The following DEFB118 variants were observed in gnomAD, a reference collection of about 807,000 sequenced individuals.
DEFB118 encodes the protein defensin beta 118.
Under a neutral mutation model 2.8 loss-of-function variants are expected in DEFB118, and 3 were observed. The observed-to-expected ratio is 1.09, with a 90% CI of 0.50 to 2.82. The LOEUF (loss-of-function observed/expected upper bound fraction) is 2.82. Among genes scored for constraint, DEFB118 ranks in the 30% most tolerant of loss-of-function variants. DEFB118 has a pLI of 0.04. For missense variants in DEFB118, 159 were observed against 144.6 expected (o/e 1.10, Z -0.51); for synonymous variants, 63 against 53.5 (o/e 1.18, Z -0.78).
intron 1 of DEFB118, among the ~76,000 whole-genome samples, chr20:31,370,972 A>G (rs1358767439): frequency 6.6e-6 from 1 of 151,868 alleles, no homozygotes; most frequent in African/African-American, 2.4e-5. Flanking sequence ...GCTAGTTTCA[A>G]ACTCCGGACC....
At chr20:31,368,984 G>A (rs1986165603) in intron 1 of DEFB118, among the ~76,000 whole-genome samples, 1 of 152,166 alleles carries the variant, frequency 6.6e-6, no homozygotes, top group African/African-American at 2.4e-5. Context: ...TTTCCAGATT[G>A]TGCCAGCTTT....
At chr20:31,373,922 AAT>A (rs1461011223) in exon 2 of DEFB118, 6 of 151,746 alleles carry the variant, frequency 4.0e-5, no homozygotes, top group African/African-American at 1.5e-4. Context: ...AAAAAAAAAA[AAT>A]CTTCACATCC....
Position 31,373,080 on chromosome 20 carries a change from T to A in DEFB118, c.282T>A (p.Phe94Leu). ...CAGTAAGGTTCACGACAGACTACTT[T>A]GAAGTAAGCAGCAAGAAAGATATGG... ...ILTVRFTTDY[F>L]EVSSKKDMVE... The change falls in exon 2 of 2, where the codon TTT (phenylalanine) becomes TTA (leucine). Residue 94 changes from phenylalanine to leucine, a missense_variant. Phe to Leu is a conservative substitution (Grantham distance 22, BLOSUM62 0). Transcript: ENST00000253381. 1 of 1,614,164 alleles carries A rather than the reference T, an allele frequency of 6.2e-7. No individual in the cohort carries two copies. The highest frequency in any genetic ancestry group is 1.3e-5 in the African/African-American group (1 of 75,034).
At position 31,373,191 on chromosome 20, in the gene DEFB118, AC is replaced by A; in HGVS notation, c.*25del. ...CATGACTTCCTCTCGGCTATCACTC[AC>A]CCCTGTCCTCAGAGTGATAAACTAA... On this transcript the variant is annotated 3_prime_UTR_variant, in exon 2 of 2. Transcript: ENST00000253381. 6.2e-7 allele frequency: 1 copy of A among 1,603,570 alleles called. No homozygotes were observed. Among genetic ancestry groups the A allele is most frequent in the South Asian group, 1.1e-5 (1 of 89,968 alleles).
intron 1 of DEFB118, among the ~76,000 whole-genome samples, chr20:31,369,491 G>C (rs1291788748): frequency 6.9e-6 from 1 of 145,598 alleles, no homozygotes; most frequent in Non-Finnish European, 1.5e-5. Context: ...CTGGGTTCAA[G>C]CAATTCTCCT....
chr20:31,370,584 A>G (rs1291082171), intron 1 of DEFB118, among the ~76,000 whole-genome samples: 1 of 152,234 alleles, frequency 6.6e-6, no homozygotes, highest in Non-Finnish European at 1.5e-5. Context: ...TATCTTAAAA[A>G]GCCCCTACAT....
Position 31,372,953 on chromosome 20 carries a change from G to A in DEFB118, c.155G>A (p.Arg52Gln), listed in dbSNP as rs147989915. 152 of 1,614,132 alleles carry A rather than the reference G, an allele frequency of 9.4e-5. 1 individual carries two copies. The Middle Eastern group carries it at 1.6e-3, about 18-fold the overall frequency. ...EAVKDTCKNL[R>Q]ACCIPSNEDH... ...GTGAAAGATACATGCAAAAATCTTCGAGCTTGCTGCATTCCATCCAATGAA... is the reference window on the plus strand; with the variant it reads ...GTGAAAGATACATGCAAAAATCTTCAAGCTTGCTGCATTCCATCCAATGAA... The change falls in exon 2 of 2, where the codon CGA (arginine) becomes CAA (glutamine). Residue 52 changes from arginine to glutamine, a missense_variant. Arg to Gln is a conservative substitution (Grantham distance 43). Transcript: ENST00000253381.
At chr20:31,371,618 G>A (rs943382627) in intron 1 of DEFB118, among the ~76,000 whole-genome samples, 1 of 152,056 alleles carries the variant, frequency 6.6e-6, no homozygotes, top group Admixed American at 6.5e-5. Flanking sequence ...CAATAGGCAT[G>A]CGCCACCACG....
chr20:31,372,933 A>C lies in DEFB118; in HGVS notation c.135A>C (p.Lys45Asn), dbSNP rs1336210231. ...RKQCKDGEAV[K>N]DTCKNLRACC... is the part of the protein sequence containing the mutation. ...AATGCAAAGATGGAGAAGCAGTGAAAGATACATGCAAAAATCTTCGAGCTT... is the reference window on the plus strand; with the variant it reads ...AATGCAAAGATGGAGAAGCAGTGAACGATACATGCAAAAATCTTCGAGCTT... Residue 45 changes from lysine (K) to asparagine (N), a missense_variant, in exon 2 of 2, where the codon AAA (lysine) becomes AAC (asparagine). Lys to Asn is a moderately conservative substitution (Grantham distance 94). Coordinates refer to ENST00000253381, the MANE Select transcript of DEFB118 (RefSeq NM_054112.3). 6.2e-7 allele frequency: 1 copy of C among 1,614,130 alleles called. No individual in the cohort carries two copies. Among genetic ancestry groups the C allele is most frequent in the Non-Finnish European group, 8.5e-7 (1 of 1,180,050 alleles).
intron 1 of DEFB118, among the ~76,000 whole-genome samples, chr20:31,370,557 A>T (rs943868370): frequency 6.6e-6 from 1 of 152,220 alleles, no homozygotes; most frequent in African/African-American, 2.4e-5. Flanking sequence ...TGAAAGAAGC[A>T]TAAAGTCTTG....
intron 1 of DEFB118, among the ~76,000 whole-genome samples, chr20:31,370,531 CAA>C (rs1419423783): frequency 6.6e-6 from 1 of 152,020 alleles, no homozygotes; most frequent in Admixed American, 6.6e-5. Context: ...CCTCTTGGAG[CAA>C]AGAGTTAAGA....
chr20:31,370,845 G>A (rs1424719754), intron 1 of DEFB118, among the ~76,000 whole-genome samples: 1 of 152,088 alleles, frequency 6.6e-6, no homozygotes, highest in African/African-American at 2.4e-5. Flanking sequence ...CTGCCTCGGG[G>A]GTTCAAGCGA....
Position 31,372,565 on chromosome 20 carries a change from T to G in DEFB118, c.59-292T>G, listed in dbSNP as rs186970350. ...TCCATCTAAAAAAAAAGATGTACTTTCTTTACTCAGGTACCTTTACTCACA... is the reference window on the plus strand; with the variant it reads ...TCCATCTAAAAAAAAAGATGTACTTGCTTTACTCAGGTACCTTTACTCACA... On this transcript the variant is annotated intron_variant, in intron 1 of 1. Transcript: ENST00000253381. Among the ~76,000 whole-genome samples the G allele has an allele frequency of 1.5e-3, 234 of 152,202 alleles. 2 individuals are homozygous for G. Among genetic ancestry groups the G allele is most frequent in the African/African-American group, 5.3e-3 (222 of 41,522 alleles).
At chr20:31,372,791 A>G in intron 1 of DEFB118, 66 bp from the exon 2 acceptor site, 1 of 1,258,024 alleles carries the variant, frequency 7.9e-7, no homozygotes, top group Non-Finnish European at 1.1e-6. Context: ...CGAGATATAC[A>G]GTCATGCTAG....
chr20:31,370,641 A>C (rs1284470217), intron 1 of DEFB118, among the ~76,000 whole-genome samples: 1 of 152,242 alleles, frequency 6.6e-6, no homozygotes, highest in Admixed American at 6.5e-5. Flanking sequence ...GAACAGAGAT[A>C]TCTCCCTACC....
Position 31,372,974 on chromosome 20 carries a change from A to T in DEFB118, c.176A>T (p.Asn59Ile). ...CTTCGAGCTTGCTGCATTCCATCCA[A>T]TGAAGACCACAGGCGAGTTCCTGCG... ...KNLRACCIPS[N>I]EDHRRVPATS... The change falls in exon 2 of 2, where the codon AAT becomes ATT. Residue 59 changes from asparagine (N) to isoleucine (I), a missense_variant. Asn to Ile is a moderately radical substitution (Grantham distance 149). Transcript: ENST00000253381. 1 of 1,614,240 alleles carries T rather than the reference A, an allele frequency of 6.2e-7. No individual in the cohort carries two copies. Among genetic ancestry groups the T allele is most frequent in the Non-Finnish European group, 8.5e-7 (1 of 1,180,042 alleles).
chr20:31,373,455 A>G lies in DEFB118; in HGVS notation c.*285A>G. Reference sequence around the variant, plus strand: ...CACAACTTCAATAGCTTAGTTAGCTATTCCAACAACAATTTCTTCATGTAT... The same window carrying G: ...CACAACTTCAATAGCTTAGTTAGCTGTTCCAACAACAATTTCTTCATGTAT... On this transcript the variant is annotated 3_prime_UTR_variant, in exon 2 of 2. Coordinates refer to ENST00000253381, the MANE Select transcript of DEFB118 (RefSeq NM_054112.3). 2.5e-6 allele frequency: 1 copy of G among 400,898 alleles called. No individual in the cohort carries two copies. The highest frequency in any genetic ancestry group is 4.5e-6 in the Non-Finnish European group (1 of 223,522). 24.8% of individuals were successfully genotyped at this position (400,898 alleles called of 1,614,324 possible).
In DEFB118 at chr20:31,373,302, T is replaced by C. The variant is rs1005159533; in HGVS notation, c.*132T>C. 7 of 771,516 alleles carry C rather than the reference T, an allele frequency of 9.1e-6. No homozygotes were observed. In the South Asian group the frequency reaches 9.9e-5, roughly 11 times the overall value. 47.8% of individuals were successfully genotyped at this position (771,516 alleles called of 1,614,324 possible). A position where few individuals can be genotyped will look rare whatever the true frequency, so the allele number is the denominator to read the frequency against. Reference sequence around the variant, plus strand: ...GTAATTCTATTAATAGAAACAGCTGTGTAAAGAAGTCTAAAATTTTCACTA... The same window carrying C: ...GTAATTCTATTAATAGAAACAGCTGCGTAAAGAAGTCTAAAATTTTCACTA... On this transcript the variant is annotated 3_prime_UTR_variant, in exon 2 of 2. Transcript: ENST00000253381.
At chr20:31,369,686 G>A (rs1986180966) in intron 1 of DEFB118, among the ~76,000 whole-genome samples, 1 of 151,852 alleles carries the variant, frequency 6.6e-6, no homozygotes, top group Admixed American at 6.6e-5. Flanking sequence ...CACCGCACCC[G>A]GCCCTATGCA....
Sources: allele counts gnomAD v4.1 joint callset (sites outside exome capture counted in the v4.1 genomes callset), GRCh38; gene constraint gnomAD v4.1.1; transcripts MANE v1.5; gene names NCBI Gene and HGNC (gene_info 2026-07-23, HGNC 2026-07-21).